GTPBP10: variants seen among roughly 807,000 people sequenced by gnomAD.
GTPBP10 encodes GTP-binding protein 10.
A neutral mutation model predicts 44.8 loss-of-function variants in GTPBP10; 38 were observed. The observed-to-expected ratio is 0.85, with a 90% CI of 0.65 to 1.11. The LOEUF (loss-of-function observed/expected upper bound fraction) is 1.11, where lower values mean the gene tolerates loss of function less well. GTPBP10 is among the 50% of genes most tolerant of loss of function. The pLI is 0.00. For synonymous variants in GTPBP10, 152 were observed against 150.6 expected, an observed-to-expected ratio of 1.01 and a Z score of -0.07; for missense variants, 462 against 453.7, an observed-to-expected ratio of 1.02 and a Z score of -0.17.
chr7:90,367,558 C>T (rs190478265), intron 4 of GTPBP10, among the ~76,000 whole-genome samples: 1 of 152,166 alleles, frequency 6.6e-6, no homozygotes, highest in Admixed American at 6.5e-5. Flanking sequence ...CTCTTTTGAT[C>T]TTTGTTGGTT....
chr7:90,357,499 G>A (rs1435370583), intron 4 of GTPBP10, among the ~76,000 whole-genome samples: 1 of 152,092 alleles, frequency 6.6e-6, no homozygotes, highest in African/African-American at 2.4e-5. Flanking sequence ...TTTTTTTAAT[G>A]AGGGAAATTG....
intron 4 of GTPBP10, among the ~76,000 whole-genome samples, chr7:90,356,833 A>G (rs1795910629): frequency 6.6e-6 from 1 of 152,182 alleles, no homozygotes; most frequent in African/African-American, 2.4e-5. Context: ...CTTCATCATC[A>G]TTATATTGCC....
intron 1 of GTPBP10, among the ~76,000 whole-genome samples, chr7:90,350,215 CA>C (rs1795763469): frequency 6.6e-6 from 1 of 152,152 alleles, no homozygotes; most frequent in African/African-American, 2.4e-5. Flanking sequence ...TGATGGTTTC[CA>C]GCTGCATCCA....
At chr7:90,374,794 A>C (rs1366023002) in intron 6 of GTPBP10, among the ~76,000 whole-genome samples, 2 of 152,176 alleles carry the variant, frequency 1.3e-5, no homozygotes, top group Non-Finnish European at 2.9e-5. Flanking sequence ...ACAACAGTGG[A>C]TCTTCTGTAT....
At chr7:90,382,794 GA>G (rs1796455416) in intron 8 of GTPBP10, among the ~76,000 whole-genome samples, 161 bp from the exon 9 acceptor site, 1 of 152,190 alleles carries the variant, frequency 6.6e-6, no homozygotes. Flanking sequence ...GACTTAACCA[GA>G]GTCATTTTCT....
chr7:90,355,181 C>T lies in GTPBP10; in HGVS notation c.415C>T (p.Arg139Ter), dbSNP rs369004569. The change falls in exon 4 of 10, where the codon CGA becomes TGA. Residue 139 changes from arginine to a stop codon, truncating the protein, a stop_gained. Coordinates refer to ENST00000222511, the MANE Select transcript of GTPBP10 (RefSeq NM_033107.4). LOFTEE classifies it high-confidence loss of function. Reference sequence around the variant, plus strand: ...TTTCTTACCATTGAAAGGCCAGAAACGAATAATTCACCTTGATCTAAAACT... The same window carrying T: ...TTTCTTACCATTGAAAGGCCAGAAATGAATAATTCACCTTGATCTAAAACT... ...TNFLPLKGQK[R>*]IIHLDLKLIA... The T allele has an allele frequency of 1.7e-5, 28 of 1,602,846 alleles. No individual in the cohort carries two copies. Among genetic ancestry groups the T allele is most frequent in the East Asian group, 9.0e-5 (4 of 44,242 alleles).
intron 1 of GTPBP10, among the ~76,000 whole-genome samples, chr7:90,348,024 C>G (rs1483715671): frequency 1.3e-5 from 2 of 152,026 alleles, no homozygotes; most frequent in African/African-American, 2.4e-5. Flanking sequence ...GCCAGGAGTT[C>G]AAGACCAGTC....
At position 90,352,957 on chromosome 7, in the gene GTPBP10, A is replaced by G. The variant is rs146386249; in HGVS notation, c.175A>G (p.Lys59Glu). The G allele has an allele frequency of 1.7e-5, 28 of 1,613,216 alleles. No individual in the cohort carries two copies. The highest frequency in any genetic ancestry group is 2.4e-5 in the Non-Finnish European group (28 of 1,179,550). The change falls in exon 2 of 10, where the codon AAA becomes GAA. Residue 59 changes from lysine to glutamate, a missense_variant. Physicochemically the swap from Lys to Glu is moderately conservative, Grantham distance 56 (BLOSUM62 1). Coordinates refer to ENST00000222511, the MANE Select transcript of GTPBP10 (RefSeq NM_033107.4). ...GAACAGAATGACTTTAAAACAACTT[A>G]AAGACAGGTATCCTCGGAAACGGTT... ...AQNRMTLKQLKDRYPRKRFVA... is the reference protein window; with the variant it reads ...AQNRMTLKQLEDRYPRKRFVA...
In GTPBP10 at chr7:90,389,245, G is replaced by A. The variant is rs1796575095; in HGVS notation, c.*4091G>A. 6.6e-6 allele frequency: 1 copy of A among 152,140 alleles called. No homozygotes were observed. The highest frequency in any genetic ancestry group is 1.5e-5 in the Non-Finnish European group (1 of 68,030). The allele number at this position is 152,140 out of a possible 1,614,324, so 9.4% of individuals were successfully genotyped here. Reference sequence around the variant, plus strand: ...TAAAGTGGTAATGTTACCATATGCTGGGTACTGGGCTGAGTAAATCACATA... The same window carrying A: ...TAAAGTGGTAATGTTACCATATGCTAGGTACTGGGCTGAGTAAATCACATA... On this transcript the variant is annotated 3_prime_UTR_variant, in exon 10 of 10. Transcript: ENST00000222511.
chr7:90,381,476 T>C (rs1292579338), intron 8 of GTPBP10, among the ~76,000 whole-genome samples: 1 of 152,188 alleles, frequency 6.6e-6, no homozygotes, highest in African/African-American at 2.4e-5. Context: ...TTAAATCAGG[T>C]TTATATTACC....
intron 1 of GTPBP10, among the ~76,000 whole-genome samples, chr7:90,350,321 G>T (rs1009221445): frequency 6.6e-6 from 1 of 152,164 alleles, no homozygotes; most frequent in Admixed American, 6.5e-5. Context: ...ATTTGGGTTG[G>T]TTCCAAGTCT....
At chr7:90,365,992 G>A (rs10247057) in intron 4 of GTPBP10, among the ~76,000 whole-genome samples, 2,286 of 152,230 alleles carry the variant, frequency 0.015, 59 homozygotes, top group African/African-American at 0.046. Context: ...GAATTTTCTC[G>A]AAGGCCTTTT....
chr7:90,376,961 C>T (rs1003578852), intron 6 of GTPBP10, among the ~76,000 whole-genome samples: 6 of 152,148 alleles, frequency 3.9e-5, no homozygotes, highest in Non-Finnish European at 7.4e-5. Context: ...TGGTGGCTCA[C>T]GCCTGTAATC....
chr7:90,380,074 C>CTTTTTTTT (rs58735928), intron 8 of GTPBP10, among the ~76,000 whole-genome samples: 5 of 104,344 alleles, frequency 4.8e-5, no homozygotes, highest in Non-Finnish European at 7.8e-5. Flanking sequence ...AGTCCCTTCT[C>CTTTTTTTT]TTTTTTTTTT....
intron 4 of GTPBP10, among the ~76,000 whole-genome samples, chr7:90,369,654 C>T (rs906774740): frequency 2.0e-5 from 3 of 152,166 alleles, no homozygotes; most frequent in African/African-American, 7.2e-5. Context: ...CCTGGTCTGC[C>T]GATTGCAAAG....
chr7:90,378,751 C>T (rs1057133346), intron 8 of GTPBP10, among the ~76,000 whole-genome samples: 4 of 152,060 alleles, frequency 2.6e-5, no homozygotes, highest in African/African-American at 9.7e-5. Flanking sequence ...GCTCTGTCTG[C>T]CAGGCTGTAG....
At chr7:90,357,450 A>C (rs1439191484) in intron 4 of GTPBP10, among the ~76,000 whole-genome samples, 1 of 152,230 alleles carries the variant, frequency 6.6e-6, no homozygotes, top group Non-Finnish European at 1.5e-5. Flanking sequence ...GTCATTAAGA[A>C]ACCTCACATA....
At chr7:90,365,248 T>A (rs927758812) in intron 4 of GTPBP10, among the ~76,000 whole-genome samples, 1 of 151,872 alleles carries the variant, frequency 6.6e-6, no homozygotes, top group East Asian at 1.9e-4. Flanking sequence ...ACTGGAGCCA[T>A]TTCTATTTGG....
intron 1 of GTPBP10, among the ~76,000 whole-genome samples, chr7:90,348,288 A>T (rs987444160): frequency 2.6e-5 from 4 of 152,216 alleles, no homozygotes; most frequent in African/African-American, 4.8e-5. Flanking sequence ...CCCTTCAAGA[A>T]CATGGGGGTT....
Sources: gnomAD v4.1 joint callset for allele counts (sites outside exome capture counted in the v4.1 genomes callset) on GRCh38, gnomAD v4.1.1 for gene constraint, MANE v1.5 for transcripts, NCBI Gene and HGNC (gene_info 2026-07-23, HGNC 2026-07-21) for gene names.